Variants in PROSER2 observed in about 807,000 individuals in gnomAD.
The protein encoded by PROSER2 is proline and serine-rich protein 2.
In PROSER2, 18 loss-of-function variants were observed where a neutral mutation model predicts 14.6. That is an observed-to-expected ratio of 1.23 (90% CI 0.85 to 1.83). The LOEUF (loss-of-function observed/expected upper bound fraction) is 1.83. Among genes scored for constraint, PROSER2 ranks in the 40% most tolerant of loss-of-function variants. PROSER2 has a pLI of 0.00. For synonymous variants in PROSER2, 367 were observed against 286.4 expected (o/e 1.28, Z -2.84); for missense variants, 823 against 629.8 (o/e 1.31, Z -3.28).
chr10:11,825,791 G>A (rs927903719), intron 1 of PROSER2, among the ~76,000 whole-genome samples: 4 of 152,202 alleles, frequency 2.6e-5, no homozygotes, highest in African/African-American at 4.8e-5. Flanking sequence ...GGATGGGAGA[G>A]CTCTTCGTGA....
chr10:11,868,443 AT>A (rs1227915339), intron 3 of PROSER2, among the ~76,000 whole-genome samples: 2 of 150,624 alleles, frequency 1.3e-5, no homozygotes, highest in Admixed American at 6.6e-5. Context: ...GCCTGGCTAA[AT>A]TTTTTTTTGT....
At chr10:11,844,902 A>G (rs1833902186) in intron 1 of PROSER2, among the ~76,000 whole-genome samples, 1 of 152,200 alleles carries the variant, frequency 6.6e-6, no homozygotes, top group South Asian at 2.1e-4. Flanking sequence ...GATTACAGGC[A>G]TAAGCCACCA....
rs2131052838 is a variant in PROSER2, at chr10:11,836,661, A to C, written c.-82+13191A>C. Among the ~76,000 whole-genome samples the C allele has an allele frequency of 6.6e-6, 1 of 152,138 alleles. No individual in the cohort carries two copies. The highest frequency in any genetic ancestry group is 6.5e-5 in the Admixed American group (1 of 15,278). On this transcript the variant is annotated intron_variant, in intron 1 of 3. Transcript: ENST00000277570. This position sits in a 1 kb window ranked among gnomAD's most constrained non-coding sequence, Gnocchi z 4.6. ...AAGTATGCTCACTGACCTCTGCCCTACTGTATATCCTGACACAGGAAGGGG... is the reference window on the plus strand; with the variant it reads ...AAGTATGCTCACTGACCTCTGCCCTCCTGTATATCCTGACACAGGAAGGGG...
At chr10:11,827,435 G>T (rs888147187) in intron 1 of PROSER2, among the ~76,000 whole-genome samples, 7 of 152,050 alleles carry the variant, frequency 4.6e-5, no homozygotes, top group Admixed American at 3.3e-4. Flanking sequence ...GTATATTTAG[G>T]TTCCTTCCTA....
chr10:11,861,495 G>C (rs1010611596), intron 2 of PROSER2, among the ~76,000 whole-genome samples: 6 of 152,136 alleles, frequency 3.9e-5, no homozygotes, highest in African/African-American at 1.4e-4. Context: ...TGATTCAGGG[G>C]ATGCTGTGGG....
At chr10:11,825,134 C>G (rs552934216) in intron 1 of PROSER2, among the ~76,000 whole-genome samples, 38 of 152,298 alleles carry the variant, frequency 2.5e-4, no homozygotes, top group African/African-American at 8.4e-4. Context: ...CCAGAGTTGG[C>G]ACTGTGTGTT....
intron 2 of PROSER2, among the ~76,000 whole-genome samples, chr10:11,861,986 A>G (rs1588498173): frequency 6.6e-6 from 1 of 152,210 alleles, no homozygotes; most frequent in South Asian, 2.1e-4. Flanking sequence ...CTGTCAGCGC[A>G]TCAGACTCCC....
rs185138249 is a variant in PROSER2 at position 11,840,878 on chromosome 10, T to G, written c.-81-11119T>G. ...AGGCGGAGGTTACAGTGAGCGAAGA[T>G]TGCACCATTGCACTCCAGCCTGGGC... On this transcript the variant is annotated intron_variant, in intron 1 of 3. Coordinates refer to ENST00000277570, the MANE Select transcript of PROSER2 (RefSeq NM_153256.4). 4.3e-4 allele frequency among the ~76,000 whole-genome samples: 57 copies of G among 132,088 alleles called. 1 individual carries two copies. The East Asian group carries it at 0.014, about 32-fold the overall frequency. 86.7% of individuals were successfully genotyped at this position (132,088 alleles called of 152,430 possible).
chr10:11,855,382 G>A (rs1398917974), intron 2 of PROSER2, among the ~76,000 whole-genome samples: 1 of 150,774 alleles, frequency 6.6e-6, no homozygotes, highest in Non-Finnish European at 1.5e-5. Context: ...GCTGAGCCAG[G>A]AGAATGGTGT....
chr10:11,832,738 C>T (rs1255442357), intron 1 of PROSER2, among the ~76,000 whole-genome samples: 2 of 152,116 alleles, frequency 1.3e-5, no homozygotes, highest in Non-Finnish European at 2.9e-5. Flanking sequence ...ATAATAACCA[C>T]ACTGATGTTA....
rs1361540628 is a variant in PROSER2 at position 11,838,800 on chromosome 10, A to G, written c.-81-13197A>G. On this transcript the variant is annotated intron_variant, in intron 1 of 3. Transcript: ENST00000277570. This position sits in a 1 kb window ranked among gnomAD's most constrained non-coding sequence, Gnocchi z 4.4. ...AATCATCTGGTTTCCTCGTTTGTAC[A>G]CTGTCTAATCATATTCCTTGTTCAT... 2.6e-5 allele frequency among the ~76,000 whole-genome samples: 4 copies of G among 152,172 alleles called. No individual in the cohort carries two copies. The highest frequency in any genetic ancestry group is 4.8e-5 in the African/African-American group (2 of 41,426).
intron 2 of PROSER2, among the ~76,000 whole-genome samples, chr10:11,861,871 A>G (rs894883408): frequency 2.0e-5 from 3 of 152,214 alleles, no homozygotes; most frequent in African/African-American, 7.2e-5. Context: ...GCGGAGCCAT[A>G]GCAAATACCT....
At chr10:11,858,678 G>A (rs934953430) in intron 2 of PROSER2, among the ~76,000 whole-genome samples, 1 of 152,120 alleles carries the variant, frequency 6.6e-6, no homozygotes, top group African/African-American at 2.4e-5. Context: ...ATTTCCTTCA[G>A]AGACTTGTCA....
At chr10:11,828,459 T>TG (rs1833645288) in intron 1 of PROSER2, among the ~76,000 whole-genome samples, 1 of 152,082 alleles carries the variant, frequency 6.6e-6, no homozygotes, top group Non-Finnish European at 1.5e-5. Flanking sequence ...CCCAGCACTA[T>TG]GGGAGGCCAA....
Position 11,837,323 on chromosome 10 carries a change from C to T in PROSER2, c.-82+13853C>T, listed in dbSNP as rs966213304. 6.6e-6 allele frequency among the ~76,000 whole-genome samples: 1 copy of T among 152,210 alleles called. No individual in the cohort carries two copies. The highest frequency in any genetic ancestry group is 1.5e-5 in the Non-Finnish European group (1 of 68,032). ...GAAATTTATATTAGTTTTGCTGTCA[C>T]ACTTCATACGTTCAAGTTATGACCA... On this transcript the variant is annotated intron_variant, in intron 1 of 3. Transcript: ENST00000277570. The surrounding 1 kb of genome is among the most constrained non-coding windows in gnomAD (Gnocchi z 4.6).
At chr10:11,848,054 A>G (rs1386836954) in intron 1 of PROSER2, among the ~76,000 whole-genome samples, 1 of 152,150 alleles carries the variant, frequency 6.6e-6, no homozygotes, top group Non-Finnish European at 1.5e-5. Flanking sequence ...AGAGTCAGCC[A>G]TGGTCATTTT....
chr10:11,828,328 C>T (rs1016780815), intron 1 of PROSER2, among the ~76,000 whole-genome samples: 2 of 151,362 alleles, frequency 1.3e-5, no homozygotes. Context: ...GTCTATACTC[C>T]TTTGTACTAG....
At chr10:11,828,971 C>T (rs6602542) in intron 1 of PROSER2, among the ~76,000 whole-genome samples, 80,743 of 151,752 alleles carry the variant, frequency 0.53, 23,602 homozygotes, top group East Asian at 0.72. Flanking sequence ...GCTGGGCCAA[C>T]AAGGGCAGCA....
chr10:11,854,903 C>CTT (rs546567112), intron 2 of PROSER2, among the ~76,000 whole-genome samples: 1 of 145,338 alleles, frequency 6.9e-6, no homozygotes, highest in Non-Finnish European at 1.5e-5. Flanking sequence ...CTCATCAGGT[C>CTT]TTTTTTTTTT....
Sources: gnomAD v4.1 joint callset for allele counts (sites outside exome capture counted in the v4.1 genomes callset) on GRCh38, gnomAD v4.1.1 for gene constraint, Gnocchi (gnomAD v3.1) non-coding constraint, MANE v1.5 for transcripts, NCBI Gene and HGNC (gene_info 2026-07-23, HGNC 2026-07-21) for gene names.